Variants in ADD1 observed in about 807,000 individuals in gnomAD.
ADD1 encodes the protein adducin 1.
A neutral mutation model predicts 80.5 loss-of-function variants in ADD1; 24 were observed. The ratio of observed to expected loss-of-function variants is 0.30; its 90% CI spans 0.22 to 0.42. The LOEUF is 0.42. ADD1 is among the 10% of genes least tolerant of loss of function. The probability of loss-of-function intolerance (pLI) is 1.00; values close to 1 mark genes in which losing one functional copy is unlikely to be tolerated. For synonymous variants in ADD1, 373 were observed against 393.8 expected (o/e 0.95, Z 0.63); for missense variants, 948 against 1,019.0 (o/e 0.93, Z 0.95).
chr4:2,858,698 C>T (rs1728423518), intron 1 of ADD1, among the ~76,000 whole-genome samples: 1 of 152,154 alleles, frequency 6.6e-6, no homozygotes, highest in Admixed American at 6.5e-5. Flanking sequence ...TTTCCAAAAC[C>T]ACACCCAAGG....
chr4:2,904,765 G>T lies in ADD1; in HGVS notation c.1163G>T (p.Gly388Val). The T allele has an allele frequency of 5.0e-6, 8 of 1,612,008 alleles. No individual in the cohort carries two copies. The highest frequency in any genetic ancestry group is 6.8e-6 in the Non-Finnish European group (8 of 1,178,096). Residue 388 changes from glycine (G) to valine (V), a missense_variant and splice_region_variant, in exon 10 of 16, where the codon GGC (glycine) becomes GTC (valine). Transcript: ENST00000683351. Reference sequence around the variant, plus strand: ...TCTTTCACTCTCCTTGGACCCTAGGGCTACAGAACTGGCTACCCTTATCGA... The same window carrying T: ...TCTTTCACTCTCCTTGGACCCTAGGTCTACAGAACTGGCTACCCTTATCGA... The part of the protein sequence containing the change: ...EALMRMLDNL[G>V]YRTGYPYRYP...
At chr4:2,873,282 G>C (rs945725221) in intron 1 of ADD1, among the ~76,000 whole-genome samples, 4 of 152,144 alleles carry the variant, frequency 2.6e-5, no homozygotes, top group Admixed American at 6.5e-5. Flanking sequence ...ATGTGCCACT[G>C]TACCCAGCAA....
At chr4:2,890,556 G>A (rs1007480735) in intron 4 of ADD1, among the ~76,000 whole-genome samples, 4 of 151,882 alleles carry the variant, frequency 2.6e-5, no homozygotes, top group Non-Finnish European at 5.9e-5. Context: ...ACAGTCGCCC[G>A]CCACCACACC....
chr4:2,894,525 A>AAT lies in ADD1; in HGVS notation c.592-57_592-56insAT. ...GACCCTATCAAAAAAAAAAAAAAAA[A>AAT]GAAAAGAAAAAATGAAGTCCTCTTG... On this transcript the variant is annotated intron_variant, in intron 5 of 15. Coordinates refer to ENST00000683351, the MANE Select transcript of ADD1 (RefSeq NM_001354761.2). 8.2e-6 allele frequency: 12 copies of AAT among 1,461,710 alleles called. No individual in the cohort carries two copies. The African/African-American group carries it at 1.2e-4, about 14-fold the overall frequency. The allele number at this position is 1,461,710 out of a possible 1,614,324, so 90.5% of individuals were successfully genotyped here.
At chr4:2,873,028 CTG>C (rs1292211793) in intron 1 of ADD1, among the ~76,000 whole-genome samples, 2 of 151,922 alleles carry the variant, frequency 1.3e-5, no homozygotes, top group African/African-American at 4.8e-5. Flanking sequence ...GAGTCTTACT[CTG>C]TTGTTCAGGC....
At chr4:2,871,735 T>A (rs1258568949) in intron 1 of ADD1, among the ~76,000 whole-genome samples, 2 of 152,224 alleles carry the variant, frequency 1.3e-5, no homozygotes, top group Non-Finnish European at 2.9e-5. Context: ...TGCCCCCATA[T>A]AAGTTTTAGG....
At chr4:2,855,669 GCT>G (rs1727945637) in intron 1 of ADD1, among the ~76,000 whole-genome samples, 1 of 150,580 alleles carries the variant, frequency 6.6e-6, no homozygotes, top group Non-Finnish European at 1.5e-5. Context: ...ACACAGTCTT[GCT>G]CTGACACTCA....
At chr4:2,871,408 G>C (rs967894257) in intron 1 of ADD1, among the ~76,000 whole-genome samples, 6 of 152,174 alleles carry the variant, frequency 3.9e-5, no homozygotes, top group Non-Finnish European at 8.8e-5. Flanking sequence ...GAGATAGTTG[G>C]TGTAAGTGTC....
chr4:2,858,790 C>A (rs1728435596), intron 1 of ADD1, among the ~76,000 whole-genome samples: 1 of 152,134 alleles, frequency 6.6e-6, no homozygotes. Flanking sequence ...AGTTTGAGAC[C>A]AGCCTTGGCC....
chr4:2,898,905 C>G (rs142112847), intron 8 of ADD1: 1 of 380,066 alleles, frequency 2.6e-6, no homozygotes, highest in East Asian at 5.8e-5. Context: ...AGAGACTTGC[C>G]TGCAGCTTAC....
chr4:2,919,071 C>T (rs1424121906), intron 14 of ADD1, among the ~76,000 whole-genome samples: 1 of 151,936 alleles, frequency 6.6e-6, no homozygotes, highest in Non-Finnish European at 1.5e-5. Flanking sequence ...GATCTCCTGA[C>T]CTTGTGATCC....
intron 1 of ADD1, among the ~76,000 whole-genome samples, chr4:2,852,235 C>CTTTCCT (rs1404092657): frequency 7.8e-6 from 1 of 128,788 alleles, no homozygotes; most frequent in African/African-American, 3.1e-5. Context: ...TCTTTCCTTT[C>CTTTCCT]TTTCTTTCTT....
intron 2 of ADD1, among the ~76,000 whole-genome samples, chr4:2,876,664 A>ATC (rs1017038276): frequency 6.6e-6 from 1 of 152,048 alleles, no homozygotes; most frequent in African/African-American, 2.4e-5. Flanking sequence ...GTGAAAACCC[A>ATC]TCTCTACTAA....
chr4:2,926,366 C>T lies in ADD1; in HGVS notation c.2047+254C>T. The T allele has an allele frequency of 1.4e-6, 1 of 700,976 alleles. No homozygotes were observed. The highest frequency in any genetic ancestry group is 2.6e-6 in the Non-Finnish European group (1 of 385,336). 43.4% of individuals were successfully genotyped at this position (700,976 alleles called of 1,614,324 possible). ...GGAACCCACCATGGTTGCTGGTGTC[C>T]ACGTTGCCCATTGCTCGCACACTCC... On this transcript the variant is annotated intron_variant, in intron 15 of 15. Transcript: ENST00000683351. This position sits in a 1 kb window ranked among gnomAD's most constrained non-coding sequence, Gnocchi z 5.0.
chr4:2,888,435 T>C (rs1212295448), intron 4 of ADD1, among the ~76,000 whole-genome samples: 1 of 140,240 alleles, frequency 7.1e-6, no homozygotes, highest in East Asian at 2.2e-4. Context: ...ATTATTATTT[T>C]AGGCAGAGTC....
chr4:2,877,427 C>G (rs760664473), intron 2 of ADD1, among the ~76,000 whole-genome samples: 1 of 152,016 alleles, frequency 6.6e-6, no homozygotes, highest in Non-Finnish European at 1.5e-5. Context: ...TTATAACTTA[C>G]ATAAAGTACA....
chr4:2,896,065 T>A (rs1233003235), intron 6 of ADD1, among the ~76,000 whole-genome samples: 2 of 151,398 alleles, frequency 1.3e-5, no homozygotes, highest in Non-Finnish European at 2.9e-5. Flanking sequence ...TTTTTTGTAT[T>A]TTTAGTAGAG....
chr4:2,870,234 G>A (rs1278623034), intron 1 of ADD1, among the ~76,000 whole-genome samples: 1 of 152,188 alleles, frequency 6.6e-6, no homozygotes, highest in African/African-American at 2.4e-5. Flanking sequence ...TATCTGACCT[G>A]AGGTTTAGTT....
intron 13 of ADD1, among the ~76,000 whole-genome samples, chr4:2,913,047 T>C (rs530248934): frequency 9.9e-5 from 15 of 152,088 alleles, no homozygotes; most frequent in African/African-American, 3.6e-4. Flanking sequence ...AGGTTTTCGC[T>C]GTGTTGGCCA....
Sources: allele counts gnomAD v4.1 joint callset (sites outside exome capture counted in the v4.1 genomes callset), GRCh38; gene constraint gnomAD v4.1.1; non-coding constraint Gnocchi (gnomAD v3.1); transcripts MANE v1.5; gene names NCBI Gene and HGNC (gene_info 2026-07-23, HGNC 2026-07-21).